The following PIP5K1C variants were observed in gnomAD, a reference collection of about 807,000 sequenced individuals.
PIP5K1C encodes phosphatidylinositol 4-phosphate 5-kinase type-1 gamma.
A neutral mutation model predicts 80.1 loss-of-function variants in PIP5K1C; 45 were observed. That is an observed-to-expected ratio of 0.56 (90% CI 0.44 to 0.72). The LOEUF (loss-of-function observed/expected upper bound fraction) is 0.72. Among genes scored for constraint, PIP5K1C ranks in the 30% least tolerant of loss-of-function variants. The pLI is 0.00. For missense variants in PIP5K1C, 753 were observed against 954.6 expected (o/e 0.79, Z 2.78); for synonymous variants, 498 against 420.1 (o/e 1.19, Z -2.27).
chr19:3,686,731 T>TAAATA (rs536772980), intron 1 of PIP5K1C, among the ~76,000 whole-genome samples: 3,106 of 149,316 alleles, frequency 0.021, 106 homozygotes, highest in Admixed American at 0.09. Flanking sequence ...AATAAATAAA[T>TAAATA]AAATAAAATA....
chr19:3,637,365 G>C lies in PIP5K1C; in HGVS notation c.1920+1519C>G. 1 of 1,535,334 alleles carries C rather than the reference G, an allele frequency of 6.5e-7. No homozygotes were observed. The highest frequency in any genetic ancestry group is 8.7e-7 in the Non-Finnish European group (1 of 1,146,666). On this transcript the variant is annotated intron_variant, in intron 16 of 17. Transcript: ENST00000335312. This position sits in a 1 kb window ranked among gnomAD's most constrained non-coding sequence, Gnocchi z 7.0. ...TTCCCAGTGACGCATGCAGCCCAGC[G>C]CCTGGTCCGGGGCCAGCGTGGCTGA...
In PIP5K1C at chr19:3,648,182, T is replaced by C. The variant is rs572221482; in HGVS notation, c.1211+443A>G. Among the ~76,000 whole-genome samples, 2 of 151,384 alleles carry C rather than the reference T, an allele frequency of 1.3e-5. No individual in the cohort carries two copies. The highest frequency in any genetic ancestry group is 2.9e-5 in the Non-Finnish European group (2 of 67,872). On this transcript the variant is annotated intron_variant, in intron 9 of 17. Coordinates refer to ENST00000335312, the MANE Select transcript of PIP5K1C (RefSeq NM_012398.3). The surrounding 1 kb of genome is among the most constrained non-coding windows in gnomAD (Gnocchi z 4.3). The stretch of plus-strand genomic sequence containing the variant: ...TGGGACTGCAGGAGCACCACCACGC[T>C]CAGCTAATTTTTTGATATTTTGTAG...
intron 5 of PIP5K1C, among the ~76,000 whole-genome samples, chr19:3,658,547 C>T (rs563947395): frequency 1.3e-5 from 2 of 152,368 alleles, no homozygotes; most frequent in African/African-American, 4.8e-5. Flanking sequence ...AGAGCGAAGG[C>T]GGGTCTCTCC....
intron 1 of PIP5K1C, among the ~76,000 whole-genome samples, chr19:3,699,226 C>T (rs909655464): frequency 4.0e-5 from 6 of 151,078 alleles, no homozygotes; most frequent in East Asian, 3.9e-4. Flanking sequence ...ACCGGCTGCC[C>T]GCAAAGAAAG....
chr19:3,642,618 G>A (rs1290157502), intron 14 of PIP5K1C, among the ~76,000 whole-genome samples: 2 of 152,166 alleles, frequency 1.3e-5, no homozygotes, highest in Non-Finnish European at 2.9e-5. Context: ...GCAGGAGGGG[G>A]CGCATTTCAC....
At chr19:3,663,335 G>A (rs952490017) in intron 3 of PIP5K1C, among the ~76,000 whole-genome samples, 3 of 152,228 alleles carry the variant, frequency 2.0e-5, no homozygotes, top group Non-Finnish European at 4.4e-5. Flanking sequence ...CGGGAGTTGG[G>A]AGTTGGTTTC....
At position 3,662,004 on chromosome 19, in the gene PIP5K1C, G is replaced by C; in HGVS notation, c.220-3C>G. 6.3e-7 allele frequency: 1 copy of C among 1,588,472 alleles called. No homozygotes were observed. The highest frequency in any genetic ancestry group is 8.5e-7 in the Non-Finnish European group (1 of 1,169,828). ...CCCTTCAGGGTGGAGGAGGTGGTCT[G>C]CAGGGAGACCAGAGTGTCAGGGCCC... On this transcript the variant is annotated splice_region_variant and splice_polypyrimidine_tract_variant and intron_variant, in intron 3 of 17. Coordinates refer to ENST00000335312, the MANE Select transcript of PIP5K1C (RefSeq NM_012398.3).
intron 1 of PIP5K1C, among the ~76,000 whole-genome samples, chr19:3,684,564 G>T (rs1157923718): frequency 2.0e-5 from 3 of 152,268 alleles, no homozygotes; most frequent in Non-Finnish European, 4.4e-5. Flanking sequence ...GGCCACCAGG[G>T]TGTGCTGGCA....
chr19:3,667,125 C>T (rs1229002829), intron 2 of PIP5K1C, among the ~76,000 whole-genome samples, 197 bp downstream of exon 2: 2 of 152,222 alleles, frequency 1.3e-5, no homozygotes, highest in African/African-American at 4.8e-5. Context: ...CCCCCTCCTC[C>T]ATCACGGAAT....
rs549747090 is a variant in PIP5K1C at position 3,648,869 on chromosome 19, A to G, written c.1128-161T>C. ...CTGGCACCCGGGAACCTCTGTCCTG[A>G]CATCCCTCCATCACCCCCAGCCTCA... On this transcript the variant is annotated intron_variant, in intron 8 of 17. Coordinates refer to ENST00000335312, the MANE Select transcript of PIP5K1C (RefSeq NM_012398.3). The surrounding 1 kb of genome is among the most constrained non-coding windows in gnomAD (Gnocchi z 4.3). Among the ~76,000 whole-genome samples, 1 of 152,112 alleles carries G rather than the reference A, an allele frequency of 6.6e-6. No individual in the cohort carries two copies. Among genetic ancestry groups the G allele is most frequent in the South Asian group, 2.1e-4 (1 of 4,822 alleles).
At chr19:3,693,354 C>G (rs2036000532) in intron 1 of PIP5K1C, among the ~76,000 whole-genome samples, 1 of 152,176 alleles carries the variant, frequency 6.6e-6, no homozygotes, top group South Asian at 2.1e-4. Flanking sequence ...AGCTCAGGCA[C>G]CTGGGGGCCC....
intron 8 of PIP5K1C, chr19:3,649,888 C>T (rs539000811): frequency 2.4e-4 from 69 of 283,440 alleles, no homozygotes; most frequent in South Asian, 1.6e-3. Flanking sequence ...CTGCCCAGCG[C>T]GGTTAGTGAG....
chr19:3,699,914 G>A (rs1252277069), intron 1 of PIP5K1C, among the ~76,000 whole-genome samples: 2 of 152,202 alleles, frequency 1.3e-5, no homozygotes, highest in African/African-American at 2.4e-5. Flanking sequence ...CTCAGGTCTG[G>A]GGACTTACAG....
chr19:3,663,211 T>A (rs910936265), intron 3 of PIP5K1C, among the ~76,000 whole-genome samples: 12 of 140,530 alleles, frequency 8.5e-5, no homozygotes, highest in Middle Eastern at 3.5e-3. Flanking sequence ...TTATTCTCAC[T>A]GTGTGCTCTC....
chr19:3,637,100 C>A lies in PIP5K1C; in HGVS notation c.1920+1784G>T. 1 of 1,301,766 alleles carries A rather than the reference C, an allele frequency of 7.7e-7. No homozygotes were observed. The highest frequency in any genetic ancestry group is 1.7e-5 in the South Asian group (1 of 59,192). 80.6% of individuals were successfully genotyped at this position (1,301,766 alleles called of 1,614,324 possible). On this transcript the variant is annotated intron_variant, in intron 16 of 17. Coordinates refer to ENST00000335312, the MANE Select transcript of PIP5K1C (RefSeq NM_012398.3). The surrounding 1 kb of genome is among the most constrained non-coding windows in gnomAD (Gnocchi z 7.0). ...CCCTGCGGTTCAGAGCCCGGCCCTG[C>A]AGCCACTCTGCTGACCTGTGCAACC...
At chr19:3,660,754 G>A (rs1047996694) in intron 5 of PIP5K1C, among the ~76,000 whole-genome samples, 4 of 152,204 alleles carry the variant, frequency 2.6e-5, no homozygotes, top group South Asian at 4.2e-4. Context: ...CAGCCAGGAC[G>A]GAGTCCTGCA....
chr19:3,668,363 C>G (rs529072615), intron 1 of PIP5K1C: 3 of 152,320 alleles, frequency 2.0e-5, no homozygotes, highest in African/African-American at 7.2e-5. Context: ...GACCTGGGAG[C>G]CCGATGTCCT....
At position 3,643,264 on chromosome 19, in the gene PIP5K1C, G is replaced by T. The variant is rs201670126; in HGVS notation, c.1628C>A (p.Thr543Lys). Residue 543 changes from threonine (T) to lysine (K), a missense_variant, in exon 13 of 18, where the codon ACG becomes AAG. Around this residue, in one of 6 missense-constraint regions of PIP5K1C, gnomAD observed 315 missense variants for 294.5 expected, o/e 1.07. Transcript: ENST00000335312. ...CCACCTGTACCGCGGCTGCTCCGAC[G>T]TCTCCGAGGGGGACCGCTCAGGAAT... is the stretch of plus-strand genomic sequence containing the variant. ...LSIPERSPSE[T>K]SEQPRYRRRT... The T allele has an allele frequency of 4.3e-6, 7 of 1,613,596 alleles. No homozygotes were observed. In the Admixed American group the frequency reaches 1.0e-4, roughly 23 times the overall value.
At position 3,688,285 on chromosome 19, in the gene PIP5K1C, G is replaced by A. The variant is rs2035834642; in HGVS notation, c.94+12012C>T. Reference sequence around the variant, plus strand: ...CTCCGGGGAGTACAGTGTCCCTGAAGGGAATTCCTTCCAGAGCCTGAGGTT... The same window carrying A: ...CTCCGGGGAGTACAGTGTCCCTGAAAGGAATTCCTTCCAGAGCCTGAGGTT... On this transcript the variant is annotated intron_variant, in intron 1 of 17. Coordinates refer to ENST00000335312, the MANE Select transcript of PIP5K1C (RefSeq NM_012398.3). This position sits in a 1 kb window ranked among gnomAD's most constrained non-coding sequence, Gnocchi z 5.3. Among the ~76,000 whole-genome samples, 1 of 152,234 alleles carries A rather than the reference G, an allele frequency of 6.6e-6. No homozygotes were observed.
Sources: allele counts gnomAD v4.1 joint callset (sites outside exome capture counted in the v4.1 genomes callset), GRCh38; gene constraint gnomAD v4.1.1; regional missense constraint gnomAD v4.1.1; non-coding constraint Gnocchi (gnomAD v3.1); transcripts MANE v1.5; gene names NCBI Gene and HGNC (gene_info 2026-07-23, HGNC 2026-07-21).